VPS13C: variants seen among roughly 807,000 people sequenced by gnomAD.
VPS13C encodes intermembrane lipid transfer protein VPS13C.
A neutral mutation model predicts 456.8 loss-of-function variants in VPS13C; 358 were observed. The ratio of observed to expected loss-of-function variants is 0.78; its 90% CI spans 0.72 to 0.86. VPS13C has a LOEUF of 0.86. VPS13C is among the 40% of genes least tolerant of loss of function. VPS13C has a pLI of 0.00. For synonymous variants in VPS13C, 1,578 were observed against 1,486.7 expected (o/e 1.06, Z -1.41); for missense variants, 4,818 against 4,385.4 (o/e 1.10, Z -2.79).
intron 15 of VPS13C, among the ~76,000 whole-genome samples, chr15:62,003,267 T>C (rs1262798949): frequency 6.6e-6 from 1 of 151,084 alleles, no homozygotes; most frequent in African/African-American, 2.5e-5. Context: ...AGGTATTTTA[T>C]TCTCTTTGAA....
At chr15:61,946,026 T>A in intron 44 of VPS13C, 144 bp from the exon 45 acceptor site, 1 of 801,516 alleles carries the variant, frequency 1.2e-6, no homozygotes, top group South Asian at 2.7e-5. Context: ...GCTAAAAACA[T>A]TTTACGTGAC....
chr15:61,893,068 T>C (rs575703985), intron 66 of VPS13C, among the ~76,000 whole-genome samples: 1 of 152,086 alleles, frequency 6.6e-6, no homozygotes, highest in Non-Finnish European at 1.5e-5. Context: ...GAAAGTTAAT[T>C]AAAGAATTAA....
At chr15:62,045,470 A>G (rs1293971735) in intron 1 of VPS13C, among the ~76,000 whole-genome samples, 3 of 152,120 alleles carry the variant, frequency 2.0e-5, no homozygotes, top group African/African-American at 7.2e-5. Flanking sequence ...AAGAGGGCAA[A>G]TAGATAAGTG....
At chr15:62,030,065 G>C (rs2047760288) in intron 5 of VPS13C, among the ~76,000 whole-genome samples, 1 of 151,936 alleles carries the variant, frequency 6.6e-6, no homozygotes, top group African/African-American at 2.4e-5. Context: ...GTTCAGAGGG[G>C]GATCTCCAAG....
At chr15:61,903,835 C>T (rs1312624934) in intron 66 of VPS13C, among the ~76,000 whole-genome samples, 1 of 152,110 alleles carries the variant, frequency 6.6e-6, no homozygotes, top group Non-Finnish European at 1.5e-5. Flanking sequence ...CATGCATTTA[C>T]AGCCAACTCA....
At position 61,961,614 on chromosome 15, in the gene VPS13C, G is replaced by A; in HGVS notation, c.3883C>T (p.Gln1295Ter). The change falls in exon 35 of 85, where the codon CAG becomes TAG. Residue 1295 changes from glutamine (Q) to a stop codon, truncating the protein, a stop_gained. Coordinates refer to ENST00000644861, the MANE Select transcript of VPS13C (RefSeq NM_020821.3). LOFTEE classifies it high-confidence loss of function. ...CTATAAAGTGTAAGCTTTGTTAGCT[G>A]CACATCCATTCTATCAATTACTGGA... is the stretch of plus-strand genomic sequence containing the variant. ...NPPVIDRMDV[Q>*]LTKLTLYRTV... 1 of 1,607,076 alleles carries A rather than the reference G, an allele frequency of 6.2e-7. No homozygotes were observed. The highest frequency in any genetic ancestry group is 1.1e-5 in the South Asian group (1 of 90,012).
intron 22 of VPS13C, 103 bp downstream of exon 22, chr15:61,981,239 C>A: frequency 7.7e-7 from 1 of 1,307,064 alleles, no homozygotes; most frequent in Non-Finnish European, 1.0e-6. Flanking sequence ...AATAAGTCTA[C>A]ATTTAGTTTA....
chr15:61,886,055 T>C (rs1896244393), intron 67 of VPS13C, among the ~76,000 whole-genome samples: 1 of 152,172 alleles, frequency 6.6e-6, no homozygotes, highest in Non-Finnish European at 1.5e-5. Flanking sequence ...GAAAGGCTAA[T>C]GGCCTTAAAC....
intron 66 of VPS13C, among the ~76,000 whole-genome samples, chr15:61,892,331 T>C (rs1175421948): frequency 1.3e-5 from 2 of 152,174 alleles, no homozygotes; most frequent in African/African-American, 4.8e-5. Context: ...GCAGCCTTCC[T>C]ACATAGCTGG....
At chr15:61,918,013 C>T in intron 59 of VPS13C, 123 bp downstream of exon 59, 2 of 993,652 alleles carry the variant, frequency 2.0e-6, no homozygotes, top group Non-Finnish European at 2.9e-6. Context: ...CAATGGAAGA[C>T]TAAATTATGT....
intron 18 of VPS13C, among the ~76,000 whole-genome samples, chr15:61,985,612 T>A (rs1018602821): frequency 2.0e-5 from 3 of 152,180 alleles, no homozygotes; most frequent in Non-Finnish European, 4.4e-5. Context: ...TTTTGTGGCA[T>A]AAAGATTCAA....
intron 1 of VPS13C, among the ~76,000 whole-genome samples, chr15:62,051,315 A>G (rs1301403404): frequency 6.6e-6 from 1 of 152,232 alleles, no homozygotes; most frequent in Admixed American, 6.5e-5. Flanking sequence ...AAGGTCATAA[A>G]TCTTTATATT....
intron 8 of VPS13C, among the ~76,000 whole-genome samples, chr15:62,022,649 A>C (rs1368206871): frequency 1.3e-5 from 2 of 151,948 alleles, no homozygotes; most frequent in Non-Finnish European, 2.9e-5. Flanking sequence ...GGAACTTACC[A>C]AGAAAAGAAA....
Position 61,869,563 on chromosome 15 carries a change from G to C in VPS13C, c.10685C>G (p.Ala3562Gly). Residue 3562 changes from alanine to glycine, a missense_variant, in exon 80 of 85, where the codon GCT becomes GGT. Ala to Gly is a moderately conservative substitution (Grantham distance 60). Transcript: ENST00000644861. ...FKGIGKGLVG[A>G]VARPTGGIVD... ...GATTCCACCAGTTGGACGGGCCACA[G>C]CACCCACAAGCCCTTTTCCAATTCC... is the stretch of plus-strand genomic sequence containing the variant. The C allele has an allele frequency of 6.2e-7, 1 of 1,614,148 alleles. No homozygotes were observed. Among genetic ancestry groups the C allele is most frequent in the Non-Finnish European group, 8.5e-7 (1 of 1,180,014 alleles).
rs776414117 is a variant in VPS13C, at chr15:61,854,906, G to A, written c.11125C>T (p.Arg3709Ter). ...KKDSANQGCV[R>*]KVYLKDTATA... ...GCGGTGTCCTTCAGGTAAACTTTTC[G>A]AACACAGCCTTGATTGGCACTGTCT... The change falls in exon 84 of 85, where the codon CGA becomes TGA. Residue 3709 changes from arginine (R) to a stop codon, truncating the protein, a stop_gained. Transcript: ENST00000644861. LOFTEE classifies it low-confidence loss of function (END_TRUNC). 7 of 1,613,260 alleles carry A rather than the reference G, an allele frequency of 4.3e-6. No homozygotes were observed. The highest frequency in any genetic ancestry group is 2.2e-5 in the East Asian group (1 of 44,846).
chr15:62,060,004 G>A (rs2048942655), intron 1 of VPS13C, among the ~76,000 whole-genome samples: 1 of 152,254 alleles, frequency 6.6e-6, no homozygotes, highest in African/African-American at 2.4e-5. Context: ...GGCAGGGCGG[G>A]GACAGCAGGG....
intron 1 of VPS13C, among the ~76,000 whole-genome samples, chr15:62,059,286 AC>A (rs2140829446): frequency 6.6e-6 from 1 of 152,310 alleles, no homozygotes; most frequent in Admixed American, 6.5e-5. Flanking sequence ...GCTAGTGGTT[AC>A]CCTAGTGGAC....
rs116136656 is a variant in VPS13C, at chr15:62,012,763, A to G, written c.825+276T>C. ...ATCAGAATGTGACAAGAATGTCATC[A>G]AAATGAGAATGTAAAAAAGCATAAA... is the stretch of plus-strand genomic sequence containing the variant. On this transcript the variant is annotated intron_variant, in intron 11 of 84. Transcript: ENST00000644861. 8.0e-3 allele frequency among the ~76,000 whole-genome samples: 1,221 copies of G among 152,056 alleles called. 14 individuals are homozygous for G. Among genetic ancestry groups the G allele is most frequent in the African/African-American group, 0.028 (1,177 of 41,562 alleles).
intron 15 of VPS13C, among the ~76,000 whole-genome samples, chr15:62,004,000 G>C (rs906512559): frequency 6.6e-5 from 10 of 151,916 alleles, no homozygotes; most frequent in South Asian, 2.1e-4. Flanking sequence ...TTGTGTCTCT[G>C]CCAGGCTTTG....
Sources: gnomAD v4.1 joint callset for allele counts (sites outside exome capture counted in the v4.1 genomes callset) on GRCh38, gnomAD v4.1.1 for gene constraint, MANE v1.5 for transcripts, NCBI Gene and HGNC (gene_info 2026-07-23, HGNC 2026-07-21) for gene names.